CFAP251: variants seen among roughly 807,000 people sequenced by gnomAD.
CFAP251 encodes the protein cilia and flagella associated protein 251.
CFAP251 carries 93 observed loss-of-function variants against 126.7 expected under a neutral mutation model. The ratio of observed to expected loss-of-function variants is 0.73; its 90% CI spans 0.62 to 0.87. The LOEUF (loss-of-function observed/expected upper bound fraction) is 0.87. Among genes scored for constraint, CFAP251 ranks in the 40% least tolerant of loss-of-function variants. The pLI is 0.00. For synonymous variants in CFAP251, 503 were observed against 506.9 expected (o/e 0.99, Z 0.10); for missense variants, 1,287 against 1,389.2 (o/e 0.93, Z 1.17).
At chr12:121,964,140 C>T (rs567386379) in intron 15 of CFAP251, among the ~76,000 whole-genome samples, 16 of 107,812 alleles carry the variant, frequency 1.5e-4, no homozygotes, top group Admixed American at 3.8e-4. Context: ...CAGGACCACC[C>T]GGGATTTGTT....
At chr12:121,970,219 C>T (rs1882287381) in intron 17 of CFAP251, among the ~76,000 whole-genome samples, 1 of 152,166 alleles carries the variant, frequency 6.6e-6, no homozygotes, top group East Asian at 1.9e-4. Context: ...AGGGTTCATT[C>T]CGCACGCCCC....
intron 19 of CFAP251, among the ~76,000 whole-genome samples, chr12:121,981,009 G>T (rs991667037): frequency 1.3e-5 from 2 of 152,214 alleles, no homozygotes; most frequent in Admixed American, 6.5e-5. Context: ...GGTCTGTGCG[G>T]TGCCCAGCGC....
At chr12:121,986,445 C>T (rs1282726356) in intron 19 of CFAP251, among the ~76,000 whole-genome samples, 1 of 151,394 alleles carries the variant, frequency 6.6e-6, no homozygotes, top group Non-Finnish European at 1.5e-5. Context: ...CTACAGGCAC[C>T]CGCCACCACG....
intron 19 of CFAP251, among the ~76,000 whole-genome samples, chr12:121,976,011 CTT>C (rs1162987520): frequency 2.0e-4 from 28 of 139,630 alleles, no homozygotes; most frequent in Non-Finnish European, 1.9e-4. Flanking sequence ...GGATTTTTTT[CTT>C]TTTTTTTTTT....
rs1881755337 is a variant in CFAP251, at chr12:121,957,192, A to AC, written c.1658dup (p.Ala554SerfsTer6). The AC allele has an allele frequency of 6.2e-7, 1 of 1,613,992 alleles. No homozygotes were observed. The highest frequency in any genetic ancestry group is 1.1e-5 in the South Asian group (1 of 91,072). On this transcript the variant is annotated frameshift_variant, in exon 11 of 22. Transcript: ENST00000288912. LOFTEE classifies it high-confidence loss of function. ...CATAAGAACTCTGTCCTTTTCAAAG[A>AC]CCCCAGCAACTCCTCCTACTGAAAA...
rs936339365 is a variant in CFAP251 at position 121,955,167 on chromosome 12, G to A, written c.1535+833G>A. ...AAATTAGGCAGGTGTGGTGGTGTGCGGCTGTAATCCCAGCATCTTGGGAAG... is the reference window on the plus strand; with the variant it reads ...AAATTAGGCAGGTGTGGTGGTGTGCAGCTGTAATCCCAGCATCTTGGGAAG... On this transcript the variant is annotated intron_variant, in intron 10 of 21. Coordinates refer to ENST00000288912, the MANE Select transcript of CFAP251 (RefSeq NM_144668.6). Among the ~76,000 whole-genome samples the A allele has an allele frequency of 2.6e-5, 4 of 152,154 alleles. No individual in the cohort carries two copies. The East Asian group carries it at 5.8e-4, about 22-fold the overall frequency.
chr12:121,975,736 A>G, intron 19 of CFAP251, 51 bp downstream of exon 19: 1 of 1,519,520 alleles, frequency 6.6e-7, no homozygotes, highest in East Asian at 2.3e-5. Context: ...TTTATAAAAA[A>G]CAACCTCTGG....
intron 10 of CFAP251, 135 bp downstream of exon 10, chr12:121,954,469 G>C: frequency 1.3e-6 from 1 of 775,108 alleles, no homozygotes; most frequent in Non-Finnish European, 2.0e-6. Flanking sequence ...GATCACATGA[G>C]GCCAGAAGTT....
At chr12:121,986,596 G>T (rs1246297109) in intron 19 of CFAP251, among the ~76,000 whole-genome samples, 1 of 151,170 alleles carries the variant, frequency 6.6e-6, no homozygotes, top group Non-Finnish European at 1.5e-5. Flanking sequence ...ACCGCGCCCA[G>T]CCGAATTTTT....
intron 15 of CFAP251, among the ~76,000 whole-genome samples, chr12:121,964,668 G>A (rs1050365212): frequency 6.6e-6 from 1 of 152,210 alleles, no homozygotes; most frequent in African/African-American, 2.4e-5. Flanking sequence ...GAGGGGCCGA[G>A]GCAGGTGGAT....
At position 121,921,630 on chromosome 12, in the gene CFAP251, C is replaced by T. The variant is rs370444582; in HGVS notation, c.325C>T (p.Arg109Cys). 14 of 1,612,938 alleles carry T rather than the reference C, an allele frequency of 8.7e-6. No homozygotes were observed. The highest frequency in any genetic ancestry group is 5.0e-5 in the Admixed American group (3 of 59,638). The stretch of plus-strand genomic sequence containing the variant: ...CCAAGAAGTCACAGCGTCCATGATC[C>T]GTTTGGAGACACAGATTACTGATTC... ...EPQEVTASMI[R>C]LETQITDSQS... The change falls in exon 2 of 22, where the codon CGT becomes TGT. Residue 109 changes from arginine (R) to cysteine (C), a missense_variant. Physicochemically the swap from Arg to Cys is radical, Grantham distance 180. Coordinates refer to ENST00000288912, the MANE Select transcript of CFAP251 (RefSeq NM_144668.6).
intron 1 of CFAP251, among the ~76,000 whole-genome samples, chr12:121,920,408 T>A (rs1470185543): frequency 1.4e-4 from 20 of 147,648 alleles, no homozygotes; most frequent in Admixed American, 1.3e-3. Context: ...ATTTTTTTTT[T>A]TTTTTTGAGA....
intron 19 of CFAP251, chr12:121,997,632 T>C (rs2135818006): frequency 6.6e-6 from 1 of 152,016 alleles, no homozygotes; most frequent in Non-Finnish European, 1.5e-5. Flanking sequence ...AATCTTGCAT[T>C]TTTGTTAAAT....
chr12:121,970,096 G>A (rs913902733), intron 17 of CFAP251: 7 of 390,666 alleles, frequency 1.8e-5, no homozygotes, highest in Admixed American at 1.3e-4. Flanking sequence ...AGATAAAGAT[G>A]ATAAATCCCC....
chr12:121,969,069 G>A (rs541221963), intron 17 of CFAP251: 2 of 985,310 alleles, frequency 2.0e-6, no homozygotes, highest in South Asian at 4.7e-5. Context: ...GGCCTCTCTC[G>A]GTAGTGTGAC....
At chr12:121,919,976 G>GT (rs1163859920) in intron 1 of CFAP251, among the ~76,000 whole-genome samples, 1 of 152,038 alleles carries the variant, frequency 6.6e-6, no homozygotes, top group Non-Finnish European at 1.5e-5. Flanking sequence ...GAGGTCAGGA[G>GT]TTTAAGACCA....
intron 19 of CFAP251, among the ~76,000 whole-genome samples, chr12:121,990,578 C>T (rs1421711917): frequency 1.3e-5 from 2 of 152,184 alleles, no homozygotes; most frequent in Non-Finnish European, 2.9e-5. Flanking sequence ...TGCAGTAGGC[C>T]CACCTCTTCC....
intron 17 of CFAP251, among the ~76,000 whole-genome samples, chr12:121,973,364 G>A (rs1882383949): frequency 6.6e-6 from 1 of 152,234 alleles, no homozygotes; most frequent in Non-Finnish European, 1.5e-5. Context: ...CAGGGGCGGG[G>A]CCCTCATGGA....
rs1880804291 is a variant in CFAP251, at chr12:121,934,271, C to T, written c.913C>T (p.Leu305Phe). The change falls in exon 5 of 22, where the codon CTC (leucine) becomes TTC (phenylalanine). Residue 305 changes from leucine (L) to phenylalanine (F), a missense_variant. Leu to Phe is a conservative substitution (Grantham distance 22). Coordinates refer to ENST00000288912, the MANE Select transcript of CFAP251 (RefSeq NM_144668.6). ...LQGHANIISC[L>F]CVSEDRRWIA... ...GGGCCACGCCAATATTATCTCCTGC[C>T]TCTGCGTCAGTGAAGACAGGCGGTG... 1 of 1,614,042 alleles carries T rather than the reference C, an allele frequency of 6.2e-7. No individual in the cohort carries two copies. The highest frequency in any genetic ancestry group is 8.5e-7 in the Non-Finnish European group (1 of 1,179,992).
Sources: allele counts gnomAD v4.1 joint callset (sites outside exome capture counted in the v4.1 genomes callset), GRCh38; gene constraint gnomAD v4.1.1; transcripts MANE v1.5; gene names NCBI Gene and HGNC (gene_info 2026-07-23, HGNC 2026-07-21).